The following SNX29 variants were observed in gnomAD, a reference collection of about 807,000 sequenced individuals.
SNX29 encodes the protein sorting nexin 29.
A neutral mutation model predicts 102.1 loss-of-function variants in SNX29; 78 were observed. The ratio of observed to expected loss-of-function variants is 0.76; its 90% CI spans 0.64 to 0.92. SNX29 has a LOEUF of 0.92. Among genes scored for constraint, SNX29 ranks in the 40% least tolerant of loss-of-function variants. SNX29 has a pLI of 0.00. For missense variants in SNX29, 1,280 were observed against 1,061.7 expected (o/e 1.21, Z -2.86); for synonymous variants, 580 against 414.5 (o/e 1.40, Z -4.85).
intron 14 of SNX29, among the ~76,000 whole-genome samples, chr16:12,276,232 T>G (rs2079246707): frequency 6.6e-6 from 1 of 152,072 alleles, no homozygotes; most frequent in Admixed American, 6.6e-5. Flanking sequence ...AGGATGTGAG[T>G]GTAAATTACT....
chr16:12,059,587 C>T (rs576835321), intron 8 of SNX29, among the ~76,000 whole-genome samples: 2 of 152,298 alleles, frequency 1.3e-5, no homozygotes, highest in South Asian at 4.1e-4. Flanking sequence ...CTAGAGAGGG[C>T]TGAAAGGAGA....
chr16:12,556,985 C>T (rs1315874459), intron 20 of SNX29, among the ~76,000 whole-genome samples: 1 of 145,688 alleles, frequency 6.9e-6, no homozygotes, highest in South Asian at 2.2e-4. Flanking sequence ...AGTAGCTGGA[C>T]AACAGGTACA....
chr16:12,208,608 C>T (rs762131253), intron 14 of SNX29, among the ~76,000 whole-genome samples: 3 of 152,032 alleles, frequency 2.0e-5, no homozygotes, highest in Non-Finnish European at 4.4e-5. Flanking sequence ...TGGGCAAGAG[C>T]CTTCAGGGAG....
At chr16:12,292,060 G>A (rs549492720) in intron 15 of SNX29, among the ~76,000 whole-genome samples, 1 of 152,312 alleles carries the variant, frequency 6.6e-6, no homozygotes, top group African/African-American at 2.4e-5. Context: ...GCTGGTGGAG[G>A]GGTTGTGGTT....
At chr16:12,051,726 A>G (rs774626945) in intron 7 of SNX29, 121 bp from the exon 8 acceptor site, 2 of 1,371,824 alleles carry the variant, frequency 1.5e-6, no homozygotes, top group Non-Finnish European at 2.0e-6. Flanking sequence ...GTCTGAATTC[A>G]TGTTACAGTG....
At chr16:12,485,151 T>C (rs2088165550) in intron 19 of SNX29, among the ~76,000 whole-genome samples, 3 of 152,314 alleles carry the variant, frequency 2.0e-5, no homozygotes, top group Admixed American at 6.5e-5. Context: ...CACCCGACTT[T>C]TGGCTGAATA....
intron 10 of SNX29, among the ~76,000 whole-genome samples, chr16:12,078,143 C>T (rs1289546049): frequency 6.6e-6 from 1 of 152,120 alleles, no homozygotes; most frequent in African/African-American, 2.4e-5. Flanking sequence ...AGTACCACTT[C>T]AGCACTGTGC....
intron 20 of SNX29, among the ~76,000 whole-genome samples, chr16:12,558,369 AAC>A (rs2078504937): frequency 6.6e-6 from 1 of 152,216 alleles, no homozygotes; most frequent in Non-Finnish European, 1.5e-5. Context: ...AGCCATTGGT[AAC>A]CATCGGAATT....
chr16:12,106,376 A>G (rs2053240771), intron 11 of SNX29, among the ~76,000 whole-genome samples: 1 of 151,938 alleles, frequency 6.6e-6, no homozygotes, highest in African/African-American at 2.4e-5. Flanking sequence ...TGGTGGTGCC[A>G]TTACATTTCA....
intron 11 of SNX29, 31 bp from the exon 12 acceptor site, chr16:12,126,602 A>G (rs2054223673): frequency 6.2e-7 from 1 of 1,612,062 alleles, no homozygotes. Flanking sequence ...AAGACCTGCC[A>G]ATTAATCTTG....
intron 17 of SNX29, among the ~76,000 whole-genome samples, chr16:12,402,716 G>C (rs969323958): frequency 2.0e-5 from 3 of 152,218 alleles, no homozygotes; most frequent in African/African-American, 4.8e-5. Context: ...TTTGACCATA[G>C]GTAAAAGCAT....
chr16:12,569,874 G>A lies in SNX29; in HGVS notation c.*1245G>A, dbSNP rs148569408. The A allele has an allele frequency of 1.8e-3, 415 of 231,472 alleles. 1 individual carries two copies. The highest frequency in any genetic ancestry group is 8.6e-3 in the African/African-American group (391 of 45,338). The allele number at this position is 231,472 out of a possible 1,614,324, so 14.3% of individuals were successfully genotyped here. A position where few individuals can be genotyped will look rare whatever the true frequency, so the allele number is the denominator to read the frequency against. On this transcript the variant is annotated 3_prime_UTR_variant, in exon 21 of 21. Transcript: ENST00000566228. ...ATGTCGTGAAATGGACTATGCAAGA[G>A]TAAGTTTGTGTGTTTCGCCTTAATC...
intron 16 of SNX29, among the ~76,000 whole-genome samples, chr16:12,363,147 T>A (rs1170023079): frequency 6.6e-6 from 1 of 152,176 alleles, no homozygotes; most frequent in Non-Finnish European, 1.5e-5. Context: ...CTGAAGGCTG[T>A]CAGAAGAGCT....
intron 15 of SNX29, among the ~76,000 whole-genome samples, chr16:12,334,626 T>G (rs1434200278): frequency 6.6e-6 from 1 of 152,144 alleles, no homozygotes; most frequent in Non-Finnish European, 1.5e-5. Context: ...TTTGGCTAAT[T>G]CGGTTTTTAG....
At chr16:12,258,055 C>G (rs896071121) in intron 14 of SNX29, among the ~76,000 whole-genome samples, 2 of 152,204 alleles carry the variant, frequency 1.3e-5, no homozygotes, top group African/African-American at 4.8e-5. Flanking sequence ...AGCTGGTCAC[C>G]TGCTTTCCAT....
At chr16:12,057,602 T>TAC (rs1291996820) in intron 8 of SNX29, among the ~76,000 whole-genome samples, 4 of 152,118 alleles carry the variant, frequency 2.6e-5, no homozygotes, top group African/African-American at 9.7e-5. Context: ...TACATCTAGA[T>TAC]ACCAAAGTTC....
chr16:12,572,666 G>A lies in SNX29; in HGVS notation c.*4037G>A. The A allele has an allele frequency of 1.9e-6, 2 of 1,063,986 alleles. No individual in the cohort carries two copies. The highest frequency in any genetic ancestry group is 1.1e-6 in the Non-Finnish European group (1 of 878,462). The allele number at this position is 1,063,986 out of a possible 1,614,324, so 65.9% of individuals were successfully genotyped here. On this transcript the variant is annotated 3_prime_UTR_variant, in exon 21 of 21. Coordinates refer to ENST00000566228, the MANE Select transcript of SNX29 (RefSeq NM_032167.5). ...CCACCAAGCTCCTGTGTGAGCTGCA[G>A]CACCCACACGGGGGAAGCCCTGCAC...
intron 11 of SNX29, among the ~76,000 whole-genome samples, chr16:12,124,920 A>G (rs2054138080): frequency 6.6e-6 from 1 of 152,230 alleles, no homozygotes; most frequent in African/African-American, 2.4e-5. Flanking sequence ...CAGAGGCCAC[A>G]GTGCAGGAGC....
rs2077994456 is a variant in SNX29, at chr16:12,551,808, T to TATCC, written c.2319-16697_2319-16694dup. On this transcript the variant is annotated intron_variant, in intron 20 of 20. Coordinates refer to ENST00000566228, the MANE Select transcript of SNX29 (RefSeq NM_032167.5). ...GAAGCACATGGGCATCAAACTTCTG[T>TATCC]ATCCCCGCCTCAGTTTTGTCACTTA... is the stretch of plus-strand genomic sequence containing the variant. Among the ~76,000 whole-genome samples, 4 of 152,196 alleles carry TATCC rather than the reference T, an allele frequency of 2.6e-5. No homozygotes were observed. In the South Asian group the frequency reaches 8.3e-4, roughly 31 times the overall value.
Sources: gnomAD v4.1 joint callset for allele counts (sites outside exome capture counted in the v4.1 genomes callset) on GRCh38, gnomAD v4.1.1 for gene constraint, MANE v1.5 for transcripts, NCBI Gene and HGNC (gene_info 2026-07-23, HGNC 2026-07-21) for gene names.